Variants in NID1 observed in about 807,000 individuals in gnomAD.
The protein encoded by NID1 is nidogen 1.
NID1 carries 76 observed loss-of-function variants against 130.6 expected under a neutral mutation model. That is an observed-to-expected ratio of 0.58 (90% confidence interval 0.48 to 0.70). NID1 has a LOEUF of 0.70. Ranked by LOEUF, NID1 falls within the 30% of genes least tolerant of loss-of-function variation. The pLI is 0.00. For missense variants in NID1, 1,517 were observed against 1,664.8 expected, an observed-to-expected ratio of 0.91 and a Z score of 1.54; for synonymous variants, 665 against 675.1, an observed-to-expected ratio of 0.98 and a Z score of 0.23.
chr1:236,026,996 C>T (rs1412123061), intron 7 of NID1, among the ~76,000 whole-genome samples: 1 of 152,180 alleles, frequency 6.6e-6, no homozygotes, highest in African/African-American at 2.4e-5. Context: ...CTGCCTCGGC[C>T]TCCCAAAGTG....
At chr1:235,991,988 C>T in intron 13 of NID1, among the ~76,000 whole-genome samples, 1 of 152,210 alleles carries the variant, frequency 6.6e-6, no homozygotes, top group East Asian at 1.9e-4. Context: ...GCCTTCCTAT[C>T]TCCTGACCTC....
rs183022705 is a variant in NID1 at position 236,027,693 on chromosome 1, G to A, written c.1739-1552C>T. Among the ~76,000 whole-genome samples, 622 of 152,220 alleles carry A rather than the reference G, an allele frequency of 4.1e-3. 5 individuals are homozygous for A. Among genetic ancestry groups the A allele is most frequent in the Admixed American group, 0.012 (180 of 15,276 alleles). Reference sequence around the variant, plus strand: ...AAAATACAAAAGTTAGCCATGCCTGGTGGTAGGCGCCTATAATCCCAGCTA... The same window carrying A: ...AAAATACAAAAGTTAGCCATGCCTGATGGTAGGCGCCTATAATCCCAGCTA... On this transcript the variant is annotated intron_variant, in intron 7 of 19. Coordinates refer to ENST00000264187, the MANE Select transcript of NID1 (RefSeq NM_002508.3).
chr1:236,009,629 A>C (rs539257929), intron 12 of NID1, among the ~76,000 whole-genome samples: 2 of 152,338 alleles, frequency 1.3e-5, no homozygotes, highest in Admixed American at 6.5e-5. Flanking sequence ...CATGCTATAC[A>C]TATCCTTTTA....
chr1:236,059,628 A>T (rs1220561100), intron 1 of NID1, among the ~76,000 whole-genome samples: 2 of 152,162 alleles, frequency 1.3e-5, no homozygotes, highest in Non-Finnish European at 2.9e-5. Flanking sequence ...AGAAGAAATG[A>T]CTCTGGCATG....
chr1:236,040,662 CTT>C (rs36050664), intron 4 of NID1, among the ~76,000 whole-genome samples: 3 of 143,410 alleles, frequency 2.1e-5, no homozygotes, highest in East Asian at 2.0e-4. Flanking sequence ...GTTGGAACAT[CTT>C]TTTTTTTTTT....
rs1175550311 is a variant in NID1, at chr1:236,029,572, C to A, written c.1716G>T (p.Glu572Asp). The change falls in exon 7 of 20, where the codon GAG becomes GAT. Residue 572 changes from glutamate to aspartate, a missense_variant. Physicochemically the swap from Glu to Asp is conservative, Grantham distance 45. Coordinates refer to ENST00000264187, the MANE Select transcript of NID1 (RefSeq NM_002508.3). Reference protein sequence around the residue: ...GSSVHIEPYTELYHYSTSVIT... With the variant: ...GSSVHIEPYTDLYHYSTSVIT... Reference sequence around the variant, plus strand: ...CACCTGAGGTGGAGTAGTGGTACAGCTCCGTGTAGGGCTCAATGTGCACGG... The same window carrying A: ...CACCTGAGGTGGAGTAGTGGTACAGATCCGTGTAGGGCTCAATGTGCACGG... 6.4e-7 allele frequency: 1 copy of A among 1,567,944 alleles called. No homozygotes were observed. Among genetic ancestry groups the A allele is most frequent in the East Asian group, 2.4e-5 (1 of 42,360 alleles).
chr1:235,992,141 G>A (rs148634139), intron 13 of NID1, among the ~76,000 whole-genome samples: 4 of 152,276 alleles, frequency 2.6e-5, no homozygotes, highest in African/African-American at 4.8e-5. Context: ...CTACTCACTC[G>A]CTGTGTGCAC....
chr1:236,025,412 C>T (rs112869322), intron 8 of NID1, among the ~76,000 whole-genome samples: 17,831 of 151,740 alleles, frequency 0.12, 1,809 homozygotes, highest in East Asian at 0.42. Context: ...CAGGCACGTG[C>T]CATCATGCCT....
At chr1:235,999,619 G>A (rs1049609389) in intron 12 of NID1, among the ~76,000 whole-genome samples, 3 of 152,208 alleles carry the variant, frequency 2.0e-5, no homozygotes, top group East Asian at 1.9e-4. Flanking sequence ...TCAGACAAGC[G>A]TCTTCTTACT....
chr1:235,999,663 C>G (rs1658021950), intron 12 of NID1, among the ~76,000 whole-genome samples: 1 of 152,066 alleles, frequency 6.6e-6, no homozygotes, highest in African/African-American at 2.4e-5. Flanking sequence ...AGAAAGCATT[C>G]AAGACCTGAT....
At chr1:236,055,022 G>A (rs1403322019) in intron 1 of NID1, among the ~76,000 whole-genome samples, 1 of 152,050 alleles carries the variant, frequency 6.6e-6, no homozygotes, top group Non-Finnish European at 1.5e-5. Flanking sequence ...AAATAATTCA[G>A]GGCCGCGTGC....
Position 236,034,410 on chromosome 1 carries a change from G to T in NID1, c.1286-1758C>A, listed in dbSNP as rs188534809. The stretch of plus-strand genomic sequence containing the variant: ...GCACTCCAGCCTGGGCAATAAGAGC[G>T]AAACTCCATCTCAAAAAAAAAAAAA... On this transcript the variant is annotated intron_variant, in intron 5 of 19. Transcript: ENST00000264187. 6.2e-5 allele frequency among the ~76,000 whole-genome samples: 6 copies of T among 96,644 alleles called. No homozygotes were observed. In the East Asian group the frequency reaches 1.5e-3, roughly 25 times the overall value. The allele number at this position is 96,644 out of a possible 152,430, so 63.4% of individuals were successfully genotyped here.
intron 2 of NID1, among the ~76,000 whole-genome samples, chr1:236,047,884 AGTGTGGT>A (rs1375030345): frequency 1.3e-5 from 2 of 151,636 alleles, no homozygotes; most frequent in Non-Finnish European, 2.9e-5. Context: ...AAAATTAGCC[AGTGTGGT>A]GGCCCATGCC....
chr1:236,029,993 AG>A (rs1014375613), intron 6 of NID1, among the ~76,000 whole-genome samples: 16 of 152,168 alleles, frequency 1.1e-4, no homozygotes, highest in Non-Finnish European at 1.8e-4. Flanking sequence ...GGTTGGCTCA[AG>A]GGTTGTGCTG....
intron 12 of NID1, 52 bp from the exon 13 acceptor site, chr1:235,993,924 G>A (rs1185970869): frequency 1.9e-6 from 3 of 1,540,144 alleles, no homozygotes; most frequent in Non-Finnish European, 2.7e-6. Flanking sequence ...ATCCGTCAGC[G>A]CTCCCTGGCG....
chr1:236,027,613 G>C (rs1191628918), intron 7 of NID1, among the ~76,000 whole-genome samples: 1 of 152,230 alleles, frequency 6.6e-6, no homozygotes, highest in African/African-American at 2.4e-5. Flanking sequence ...AGGATCACTG[G>C]AGGTCAGGAG....
chr1:236,063,323 T>C (rs1408283144), intron 1 of NID1, among the ~76,000 whole-genome samples: 1 of 151,318 alleles, frequency 6.6e-6, no homozygotes, highest in East Asian at 1.9e-4. Context: ...AATACAAAAA[T>C]TAGCCAAGTG....
intron 12 of NID1, among the ~76,000 whole-genome samples, chr1:235,999,292 A>G (rs4660141): frequency 0.66 from 100,518 of 152,240 alleles, 36,545 homozygotes; most frequent in Non-Finnish European, 0.82. Context: ...TTTGGTCAGC[A>G]TAGAAAATCT....
chr1:236,042,115 G>T lies in NID1; in HGVS notation c.930C>A (p.Thr310=), dbSNP rs145456177. ...TTRLGLEDVG[T]TPFSYKALRR... is the part of the protein sequence containing the mutation. ...TCAGAGCCTTGTAGGAGAAGGGCGTGGTGCCCACATCCTCCAGGCCCAGAC... is the reference window on the plus strand; with the variant it reads ...TCAGAGCCTTGTAGGAGAAGGGCGTTGTGCCCACATCCTCCAGGCCCAGAC... Residue 310 remains threonine (T), a synonymous_variant, in exon 4 of 20, where the codon ACC becomes ACA. Transcript: ENST00000264187. 6.6e-5 allele frequency: 106 copies of T among 1,614,012 alleles called. No homozygotes were observed. The highest frequency in any genetic ancestry group is 8.6e-5 in the Non-Finnish European group (102 of 1,180,034).
Sources: allele counts gnomAD v4.1 joint callset (sites outside exome capture counted in the v4.1 genomes callset), GRCh38; gene constraint gnomAD v4.1.1; transcripts MANE v1.5; gene names NCBI Gene and HGNC (gene_info 2026-07-23, HGNC 2026-07-21).